ASPSCR1: variants seen among roughly 807,000 people sequenced by gnomAD.
ASPSCR1 encodes ASPSCR1 tether for SLC2A4, UBX domain containing, also known as tether containing UBX domain for GLUT4.
ASPSCR1 carries 55 observed loss-of-function variants against 68.9 expected under a neutral mutation model. That is an observed-to-expected ratio of 0.80 (90% CI 0.64 to 1.00). ASPSCR1 has a LOEUF of 1.00. ASPSCR1 is among the 50% of genes least tolerant of loss of function. The pLI is 0.00. For missense variants in ASPSCR1, 765 were observed against 762.2 expected (o/e 1.00, Z -0.04); for synonymous variants, 352 against 332.6 (o/e 1.06, Z -0.63).
intron 7 of ASPSCR1, among the ~76,000 whole-genome samples, chr17:81,997,576 C>G (rs538644932): frequency 6.6e-6 from 1 of 150,794 alleles, no homozygotes; most frequent in Non-Finnish European, 1.5e-5. Context: ...CAGCCTCTGC[C>G]ACCCAAGTTC....
intron 5 of ASPSCR1, chr17:81,995,664 G>A (rs1462622973): frequency 1.7e-5 from 9 of 517,938 alleles, no homozygotes; most frequent in South Asian, 1.5e-4. Context: ...CTCTCGCTCC[G>A]GGCAGTGGGT....
rs1353946075 is a variant in ASPSCR1 at position 81,994,871 on chromosome 17, G to A, written c.425G>A (p.Arg142Lys). The change falls in exon 5 of 16, where the codon AGG (arginine) becomes AAG (lysine). Residue 142 changes from arginine (R) to lysine (K), a missense_variant. Physicochemically the swap from Arg to Lys is conservative, Grantham distance 26 (BLOSUM62 2). Coordinates refer to ENST00000306739, the MANE Select transcript of ASPSCR1 (RefSeq NM_024083.4). ...GCCACCCCAGTCTGCGTGTACACGA[G>A]GGATGAGGTAGGCGGCCTGCTCTTG... ...GGATPVCVYT[R>K]DEVTGEAALR... is the part of the protein sequence containing the mutation. 1.2e-6 allele frequency: 2 copies of A among 1,612,348 alleles called. No homozygotes were observed. Among genetic ancestry groups the A allele is most frequent in the Admixed American group, 1.7e-5 (1 of 59,832 alleles).
chr17:82,002,074 T>C lies in ASPSCR1; in HGVS notation c.933+5228T>C, dbSNP rs185182696. Among the ~76,000 whole-genome samples, 221 of 142,142 alleles carry C rather than the reference T, an allele frequency of 1.6e-3. 2 individuals are homozygous for C. The highest frequency in any genetic ancestry group is 5.6e-3 in the African/African-American group (214 of 38,324). The allele number at this position is 142,142 out of a possible 152,430, so 93.3% of individuals were successfully genotyped here. ...CCAGGCAGGAGTGCAGGGGCACAATTACGGCTCACAGCAGTCATGACCTTC... is the reference window on the plus strand; with the variant it reads ...CCAGGCAGGAGTGCAGGGGCACAATCACGGCTCACAGCAGTCATGACCTTC... On this transcript the variant is annotated intron_variant, in intron 7 of 15. Coordinates refer to ENST00000306739, the MANE Select transcript of ASPSCR1 (RefSeq NM_024083.4).
rs931043796 is a variant in ASPSCR1, at chr17:82,016,542, T to C, written c.1405+15T>C. Reference sequence around the variant, plus strand: ...GGAGCCGGCAGGTGAGTGTCAGTGGTTGGGGCCAGTGTCGGAGTCCAGCCA... The same window carrying C: ...GGAGCCGGCAGGTGAGTGTCAGTGGCTGGGGCCAGTGTCGGAGTCCAGCCA... On this transcript the variant is annotated intron_variant, in intron 13 of 15. Coordinates refer to ENST00000306739, the MANE Select transcript of ASPSCR1 (RefSeq NM_024083.4). 2 of 1,549,076 alleles carry C rather than the reference T, an allele frequency of 1.3e-6. No individual in the cohort carries two copies. The highest frequency in any genetic ancestry group is 4.9e-5 in the East Asian group (2 of 40,918).
chr17:82,003,727 T>G (rs1476419231), intron 7 of ASPSCR1, among the ~76,000 whole-genome samples: 1 of 152,250 alleles, frequency 6.6e-6, no homozygotes, highest in Non-Finnish European at 1.5e-5. Context: ...TGCATGCCTG[T>G]CCACGCCGGT....
rs1163483954 is a variant in ASPSCR1, at chr17:81,985,048, CCACACACA to C, written c.274-457_274-450del. Among the ~76,000 whole-genome samples the C allele has an allele frequency of 3.7e-5, 5 of 135,010 alleles. No homozygotes were observed. The South Asian group carries it at 7.5e-4, about 20-fold the overall frequency. The allele number at this position is 135,010 out of a possible 152,430, so 88.6% of individuals were successfully genotyped here. A position where few individuals can be genotyped will look rare whatever the true frequency, so the allele number is the denominator to read the frequency against. On this transcript the variant is annotated intron_variant, in intron 3 of 15. Transcript: ENST00000306739. ...ACACCAACATGCACACACCTCCCCC[CCACACACA>C]CCCACGCACACACCTGTACACACAC...
chr17:81,981,310 G>A (rs767839387), intron 2 of ASPSCR1, among the ~76,000 whole-genome samples: 3 of 152,172 alleles, frequency 2.0e-5, no homozygotes, highest in South Asian at 2.1e-4. Flanking sequence ...GGTTTCTGGG[G>A]TCCCCTGGGC....
intron 4 of ASPSCR1, 127 bp from the exon 5 acceptor site, chr17:81,994,694 C>T (rs747895024): frequency 2.0e-5 from 19 of 947,130 alleles, no homozygotes; most frequent in South Asian, 7.1e-5. Context: ...GGGCCTGGGA[C>T]GCTGTCCTGG....
At chr17:82,014,807 G>T in intron 12 of ASPSCR1, 1 of 549,460 alleles carries the variant, frequency 1.8e-6, no homozygotes, top group Non-Finnish European at 3.3e-6. Context: ...TGGGGCAAGG[G>T]GTTGGCAGCA....
intron 7 of ASPSCR1, among the ~76,000 whole-genome samples, chr17:81,997,740 C>T (rs1245560949): frequency 1.3e-5 from 2 of 150,932 alleles, no homozygotes; most frequent in African/African-American, 2.4e-5. Context: ...CCACCCACCT[C>T]GGCCTCCCAA....
In ASPSCR1 at chr17:81,979,221, C is replaced by G; in HGVS notation, c.140C>G (p.Pro47Arg). The G allele has an allele frequency of 1.2e-6, 2 of 1,614,138 alleles. No individual in the cohort carries two copies. The highest frequency in any genetic ancestry group is 1.7e-4 in the Middle Eastern group (1 of 6,060). ...EDTCRRQDFN[P>R]CEYDLKFQRS... is the part of the protein sequence containing the mutation. ...ACGTGCCGGCGGCAGGACTTCAACC[C>G]CTGTGAATATGATCTGAAGTGAGTT... is the stretch of plus-strand genomic sequence containing the variant. The change falls in exon 2 of 16, where the codon CCC becomes CGC. Residue 47 changes from proline (P) to arginine (R), a missense_variant. By Grantham distance (103) the Pro-to-Arg change is moderately radical (BLOSUM62 -2). Coordinates refer to ENST00000306739, the MANE Select transcript of ASPSCR1 (RefSeq NM_024083.4).
At chr17:82,016,292 TG>T (rs2043123014) in intron 12 of ASPSCR1, 183 bp from the exon 13 acceptor site, 1 of 610,104 alleles carries the variant, frequency 1.6e-6, no homozygotes, top group South Asian at 2.0e-5. Context: ...CAGGACGCCC[TG>T]GCCTTGCTTA....
rs1379256328 is a variant in ASPSCR1, at chr17:81,990,510, G to A, written c.375-4311G>A. ...GTCTGAGTTTGGGATCTTCCACGCC[G>A]AGCTCTGGGGGACACTGCTCTCTGC... is the stretch of plus-strand genomic sequence containing the variant. On this transcript the variant is annotated intron_variant, in intron 4 of 15. Transcript: ENST00000306739. The surrounding 1 kb of genome is among the most constrained non-coding windows in gnomAD (Gnocchi z 4.1). Among the ~76,000 whole-genome samples the A allele has an allele frequency of 1.3e-5, 2 of 152,224 alleles. No homozygotes were observed. Among genetic ancestry groups the A allele is most frequent in the African/African-American group, 4.8e-5 (2 of 41,532 alleles).
chr17:81,985,073 TAC>T lies in ASPSCR1; in HGVS notation c.274-425_274-424del, dbSNP rs536199160. 2.3e-3 allele frequency among the ~76,000 whole-genome samples: 222 copies of T among 94,794 alleles called. 1 individual carries two copies. Among genetic ancestry groups the T allele is most frequent in the African/African-American group, 7.7e-3 (188 of 24,538 alleles). The allele number at this position is 94,794 out of a possible 152,430, so 62.2% of individuals were successfully genotyped here. ...CCACACACACCCACGCACACACCTG[TAC>T]ACACACACCTACACATCTGCGCACA... On this transcript the variant is annotated intron_variant, in intron 3 of 15. Coordinates refer to ENST00000306739, the MANE Select transcript of ASPSCR1 (RefSeq NM_024083.4).
In ASPSCR1 at chr17:81,985,609, T is replaced by A. The variant is rs1415705619; in HGVS notation, c.374+2T>A. 6.2e-7 allele frequency: 1 copy of A among 1,612,510 alleles called. No individual in the cohort carries two copies. Among genetic ancestry groups the A allele is most frequent in the Non-Finnish European group, 8.5e-7 (1 of 1,178,756 alleles). ...TCTCAGCCATTTTCCACAGATCAGG[T>A]GAGCATCAGTGGGCTGGGGGCTCTT... On this transcript the variant is annotated splice_donor_variant, in intron 4 of 15. Coordinates refer to ENST00000306739, the MANE Select transcript of ASPSCR1 (RefSeq NM_024083.4). LOFTEE classifies it high-confidence loss of function.
intron 2 of ASPSCR1, among the ~76,000 whole-genome samples, chr17:81,982,073 C>T (rs766085209): frequency 2.6e-5 from 4 of 152,060 alleles, no homozygotes; most frequent in African/African-American, 4.8e-5. Context: ...GGTTGAAGCA[C>T]TCCTCCCACT....
rs755996784 is a variant in ASPSCR1 at position 82,016,929 on chromosome 17, G to C, written c.1476-12G>C. On this transcript the variant is annotated splice_polypyrimidine_tract_variant and intron_variant, in intron 14 of 15. Coordinates refer to ENST00000306739, the MANE Select transcript of ASPSCR1 (RefSeq NM_024083.4). ...GCGGCACTCACCACTCTGTGTCTTC[G>C]CCTCCCCACAGGTACATGTCCAGGG... 6.2e-7 allele frequency: 1 copy of C among 1,611,052 alleles called. No homozygotes were observed. Among genetic ancestry groups the C allele is most frequent in the Non-Finnish European group, 8.5e-7 (1 of 1,178,630 alleles).
intron 12 of ASPSCR1, chr17:82,012,810 T>C: frequency 6.2e-6 from 1 of 161,450 alleles, no homozygotes; most frequent in South Asian, 1.8e-4. Context: ...GCCACCTCCC[T>C]GAGGGCTCCT....
intron 5 of ASPSCR1, 121 bp from the exon 6 acceptor site, chr17:81,995,871 T>G (rs2042318226): frequency 1.1e-6 from 1 of 906,008 alleles, no homozygotes. Flanking sequence ...GGGGGGTGGG[T>G]AGGATGGAGG....
Sources: gnomAD v4.1 joint callset for allele counts (sites outside exome capture counted in the v4.1 genomes callset) on GRCh38, gnomAD v4.1.1 for gene constraint, Gnocchi (gnomAD v3.1) non-coding constraint, MANE v1.5 for transcripts, NCBI Gene and HGNC (gene_info 2026-07-23, HGNC 2026-07-21) for gene names.